The following ADGB variants were observed in gnomAD, a reference collection of about 807,000 sequenced individuals.
ADGB encodes androglobin.
In ADGB, 172 loss-of-function variants were observed where a neutral mutation model predicts 210.5. That is an observed-to-expected ratio of 0.82 (90% CI 0.72 to 0.93). The LOEUF (loss-of-function observed/expected upper bound fraction) is 0.93. ADGB is among the 40% of genes least tolerant of loss of function. ADGB has a pLI of 0.00. For synonymous variants in ADGB, 658 were observed against 662.7 expected, an observed-to-expected ratio of 0.99 and a Z score of 0.11; for missense variants, 2,025 against 1,964.8, an observed-to-expected ratio of 1.03 and a Z score of -0.58.
intron 13 of ADGB, 121 bp downstream of exon 13, chr6:146,701,191 A>G (rs938219691): frequency 8.8e-6 from 10 of 1,139,614 alleles, no homozygotes; most frequent in African/African-American, 3.2e-5. Context: ...AGTATAAAGA[A>G]TAGTGTTAAA....
At chr6:146,746,998 A>G (rs1423211660) in intron 26 of ADGB, among the ~76,000 whole-genome samples, 4 of 152,150 alleles carry the variant, frequency 2.6e-5, no homozygotes, top group African/African-American at 7.2e-5. Flanking sequence ...TTCAAATATA[A>G]TTAGTTGGCT....
At chr6:146,703,167 G>A (rs1279135903) in intron 13 of ADGB, among the ~76,000 whole-genome samples, 5 of 151,616 alleles carry the variant, frequency 3.3e-5, no homozygotes, top group African/African-American at 9.7e-5. Flanking sequence ...GATGTTCTTT[G>A]TGAAATATGG....
intron 35 of ADGB, among the ~76,000 whole-genome samples, chr6:146,812,666 A>G (rs1778319108): frequency 6.6e-6 from 1 of 152,230 alleles, no homozygotes; most frequent in African/African-American, 2.4e-5. Flanking sequence ...GCACCTGGGA[A>G]GACAAACTTG....
chr6:146,759,312 T>C (rs1165241271), intron 27 of ADGB, among the ~76,000 whole-genome samples: 1 of 151,854 alleles, frequency 6.6e-6, no homozygotes, highest in African/African-American at 2.4e-5. Flanking sequence ...CATAGGAATT[T>C]ACAGAATATC....
intron 29 of ADGB, among the ~76,000 whole-genome samples, chr6:146,773,377 A>G (rs914872802): frequency 5.9e-5 from 9 of 152,304 alleles, no homozygotes; most frequent in African/African-American, 2.2e-4. Flanking sequence ...TATATCTAGA[A>G]ACAAGTTTTA....
At chr6:146,681,689 A>T (rs1188078382) in intron 9 of ADGB, among the ~76,000 whole-genome samples, 1 of 149,808 alleles carries the variant, frequency 6.7e-6, no homozygotes, top group African/African-American at 2.4e-5. Flanking sequence ...ACTAATATAT[A>T]TTATTTTAAA....
At chr6:146,788,781 T>C (rs1351465038) in intron 33 of ADGB, among the ~76,000 whole-genome samples, 171 bp downstream of exon 33, 1 of 152,212 alleles carries the variant, frequency 6.6e-6, no homozygotes, top group African/African-American at 2.4e-5. Flanking sequence ...CTCAAGGACC[T>C]GACTACTAAA....
chr6:146,677,405 T>A (rs1447153585), intron 9 of ADGB, among the ~76,000 whole-genome samples: 4 of 152,174 alleles, frequency 2.6e-5, no homozygotes, highest in Non-Finnish European at 4.4e-5. Context: ...TTTATCTTTT[T>A]TCTTATTATG....
At position 146,607,443 on chromosome 6, in the gene ADGB, G is replaced by A. The variant is rs549664224; in HGVS notation, c.74+8329G>A. ...TTCCAGAGTGATTTGGAATAGGAGT[G>A]GTGAGAGTAGGCATCCTTTTCATGT... On this transcript the variant is annotated intron_variant, in intron 1 of 35. Coordinates refer to ENST00000397944, the MANE Select transcript of ADGB (RefSeq NM_024694.4). 6.6e-5 allele frequency among the ~76,000 whole-genome samples: 10 copies of A among 152,228 alleles called. No homozygotes were observed. The South Asian group carries it at 2.1e-3, about 32-fold the overall frequency.
intron 2 of ADGB, among the ~76,000 whole-genome samples, chr6:146,638,125 A>G (rs759945696): frequency 2.0e-5 from 3 of 152,084 alleles, no homozygotes; most frequent in African/African-American, 4.8e-5. Flanking sequence ...AAACACAACT[A>G]AAGACAAAAA....
intron 33 of ADGB, among the ~76,000 whole-genome samples, chr6:146,794,098 T>G (rs59383774): frequency 0.041 from 6,269 of 152,184 alleles, 419 homozygotes; most frequent in African/African-American, 0.14. Context: ...GCTGACAGAT[T>G]TGAGCTTTGA....
chr6:146,723,451 A>G (rs1056087232), intron 17 of ADGB, among the ~76,000 whole-genome samples: 6 of 152,172 alleles, frequency 3.9e-5, no homozygotes. Context: ...ATTTTGATAA[A>G]CAGGTTGGGC....
At chr6:146,808,546 G>A (rs1408254620) in intron 35 of ADGB, among the ~76,000 whole-genome samples, 1 of 152,256 alleles carries the variant, frequency 6.6e-6, no homozygotes. Context: ...ATTTAACTGA[G>A]GCACATAGCA....
chr6:146,653,510 T>C (rs538487455), intron 3 of ADGB, among the ~76,000 whole-genome samples: 28 of 152,290 alleles, frequency 1.8e-4, no homozygotes, highest in African/African-American at 6.7e-4. Flanking sequence ...ATATCACATG[T>C]TCTCACTTAT....
chr6:146,666,593 A>G (rs1199191598), intron 6 of ADGB, among the ~76,000 whole-genome samples: 2 of 151,982 alleles, frequency 1.3e-5, no homozygotes, highest in African/African-American at 4.8e-5. Flanking sequence ...CTTAAAAAAT[A>G]AAGCATATAA....
chr6:146,689,343 C>T lies in ADGB; in HGVS notation c.1312-1773C>T, dbSNP rs148415961. 9.9e-5 allele frequency among the ~76,000 whole-genome samples: 15 copies of T among 152,214 alleles called. No homozygotes were observed. The East Asian group carries it at 2.5e-3, about 25-fold the overall frequency. On this transcript the variant is annotated intron_variant, in intron 10 of 35. Transcript: ENST00000397944. ...ACTATAACTATTATTAATAGCATTA[C>T]TTTACATGAATCAGAAGTATTGCTT...
At chr6:146,745,764 A>G (rs566600722) in intron 25 of ADGB, among the ~76,000 whole-genome samples, 158 bp from the exon 26 acceptor site, 20 of 152,346 alleles carry the variant, frequency 1.3e-4, no homozygotes, top group African/African-American at 4.8e-4. Flanking sequence ...TTTCTAAGAG[A>G]AATTCCAAAC....
chr6:146,703,798 C>T (rs915004078), intron 13 of ADGB, among the ~76,000 whole-genome samples: 3 of 151,684 alleles, frequency 2.0e-5, no homozygotes, highest in African/African-American at 7.2e-5. Context: ...CTTTGACACA[C>T]TGATTTCATT....
intron 27 of ADGB, among the ~76,000 whole-genome samples, chr6:146,757,303 T>G (rs1777422107): frequency 6.6e-6 from 1 of 151,918 alleles, no homozygotes; most frequent in South Asian, 2.1e-4. Context: ...AGTAGTAGAT[T>G]TGGTTTACAA....
Sources: allele counts gnomAD v4.1 joint callset (sites outside exome capture counted in the v4.1 genomes callset), GRCh38; gene constraint gnomAD v4.1.1; transcripts MANE v1.5; gene names NCBI Gene and HGNC (gene_info 2026-07-23, HGNC 2026-07-21).